CDH4: variants seen among roughly 807,000 people sequenced by gnomAD.
The protein encoded by CDH4 is cadherin-4.
A neutral mutation model predicts 86.0 loss-of-function variants in CDH4; 33 were observed. The observed-to-expected ratio is 0.38, with a 90% CI of 0.29 to 0.51. CDH4 has a LOEUF of 0.51. CDH4 is among the 20% of genes least tolerant of loss of function. CDH4 has a pLI of 0.86. For missense variants in CDH4, 1,114 were observed against 1,307.4 expected, an observed-to-expected ratio of 0.85 and a Z score of 2.28; for synonymous variants, 555 against 549.4, an observed-to-expected ratio of 1.01 and a Z score of -0.14.
intron 2 of CDH4, among the ~76,000 whole-genome samples, chr20:61,275,668 G>C (rs922990278): frequency 7.2e-6 from 1 of 138,130 alleles, no homozygotes; most frequent in Middle Eastern, 3.8e-3. Flanking sequence ...GCGCAGTTTG[G>C]GGGGAGTACC....
At chr20:61,891,291 G>C (rs1398102948) in intron 7 of CDH4, among the ~76,000 whole-genome samples, 1 of 152,194 alleles carries the variant, frequency 6.6e-6, no homozygotes, top group Non-Finnish European at 1.5e-5. Flanking sequence ...ACACAGTCGT[G>C]TCCCATTTTA....
chr20:61,469,301 T>G (rs2145566967), intron 2 of CDH4, among the ~76,000 whole-genome samples: 1 of 152,370 alleles, frequency 6.6e-6, no homozygotes, highest in East Asian at 1.9e-4. Context: ...TGCATTTCTG[T>G]GATGAGCAGT....
chr20:61,938,603 C>G lies in CDH4; in HGVS notation c.*1660C>G, dbSNP rs1025430352. ...GACAGGGAGCCCTCCCGGAGCCCCA[C>G]CCTGCACCTGCCACTGGGGTCAGGG... On this transcript the variant is annotated 3_prime_UTR_variant, in exon 16 of 16. Transcript: ENST00000614565. 2.6e-5 allele frequency: 4 copies of G among 152,342 alleles called. No individual in the cohort carries two copies. The highest frequency in any genetic ancestry group is 5.9e-5 in the Non-Finnish European group (4 of 68,172). The allele number at this position is 152,342 out of a possible 1,614,324, so 9.4% of individuals were successfully genotyped here. A position where few individuals can be genotyped will look rare whatever the true frequency, so the allele number is the denominator to read the frequency against.
chr20:61,906,343 A>G (rs940646520), intron 8 of CDH4, among the ~76,000 whole-genome samples: 4 of 152,252 alleles, frequency 2.6e-5, no homozygotes, highest in Non-Finnish European at 5.9e-5. Context: ...ATTTATAAAA[A>G]CAGGCCTCGG....
chr20:61,256,009 T>C (rs1010871605), intron 2 of CDH4, among the ~76,000 whole-genome samples: 7 of 152,248 alleles, frequency 4.6e-5, no homozygotes, highest in Admixed American at 6.5e-5. Flanking sequence ...AAATAAAAAA[T>C]CTCTAGGCAG....
At chr20:61,628,007 A>G (rs1432484687) in intron 2 of CDH4, among the ~76,000 whole-genome samples, 1 of 151,880 alleles carries the variant, frequency 6.6e-6, no homozygotes, top group Non-Finnish European at 1.5e-5. Flanking sequence ...CACAAAGCCA[A>G]CGTGCCCCAC....
At chr20:61,904,688 G>A (rs1431421827) in intron 8 of CDH4, among the ~76,000 whole-genome samples, 1 of 152,208 alleles carries the variant, frequency 6.6e-6, no homozygotes, top group Non-Finnish European at 1.5e-5. Context: ...GACACAGAGG[G>A]GACCACCCTG....
rs958997884 is a variant in CDH4 at position 61,623,980 on chromosome 20, G to A, written c.170-119583G>A. Among the ~76,000 whole-genome samples, 1 of 152,126 alleles carries A rather than the reference G, an allele frequency of 6.6e-6. No individual in the cohort carries two copies. The highest frequency in any genetic ancestry group is 2.4e-5 in the African/African-American group (1 of 41,426). ...GCAGGAAAGACACGGTTCCTAGAGC[G>A]AGGAACAGTGCATCCACCATCAGAT... On this transcript the variant is annotated intron_variant, in intron 2 of 15. Transcript: ENST00000614565. This position sits in a 1 kb window ranked among gnomAD's most constrained non-coding sequence, Gnocchi z 4.4.
intron 2 of CDH4, among the ~76,000 whole-genome samples, chr20:61,668,177 C>T: frequency 6.6e-6 from 1 of 152,198 alleles, no homozygotes; most frequent in East Asian, 1.9e-4. Context: ...CCAGGGAAGC[C>T]GAGCTTTTAT....
At chr20:61,893,384 G>T (rs532265597) in intron 7 of CDH4, among the ~76,000 whole-genome samples, 2 of 151,252 alleles carry the variant, frequency 1.3e-5, no homozygotes, top group African/African-American at 4.9e-5. Context: ...TAAATGGATG[G>T]ATGGGTGAAT....
chr20:61,537,056 G>T (rs1411596441), intron 2 of CDH4, among the ~76,000 whole-genome samples: 3 of 152,186 alleles, frequency 2.0e-5, no homozygotes, highest in Non-Finnish European at 4.4e-5. Context: ...GAGACTCAGT[G>T]TCCCCTCCCT....
At chr20:61,693,337 A>G (rs998281134) in intron 2 of CDH4, among the ~76,000 whole-genome samples, 6 of 152,184 alleles carry the variant, frequency 3.9e-5, no homozygotes, top group South Asian at 2.1e-4. Flanking sequence ...CTCTGCTCCA[A>G]TGCTGTGCTG....
Position 61,636,518 on chromosome 20 carries a change from C to T in CDH4, c.170-107045C>T, listed in dbSNP as rs538039212. 8.5e-5 allele frequency among the ~76,000 whole-genome samples: 13 copies of T among 152,382 alleles called. No individual in the cohort carries two copies. In the East Asian group the frequency reaches 1.9e-3, roughly 23 times the overall value. ...ATGGAACATCAATCCCTGTTCCCGT[C>T]GCAGGGCTGTCCCCGGCAGCCTTGC... On this transcript the variant is annotated intron_variant, in intron 2 of 15. Coordinates refer to ENST00000614565, the MANE Select transcript of CDH4 (RefSeq NM_001794.5).
At chr20:61,534,648 C>CTTTCTTT (rs1568881693) in intron 2 of CDH4, among the ~76,000 whole-genome samples, 8 of 108,384 alleles carry the variant, frequency 7.4e-5, no homozygotes, top group African/African-American at 3.2e-4. Flanking sequence ...TTCTTTCTTT[C>CTTTCTTT]TTTTCTTTCT....
At chr20:61,312,534 G>A (rs888978852) in intron 2 of CDH4, among the ~76,000 whole-genome samples, 2 of 152,062 alleles carry the variant, frequency 1.3e-5, no homozygotes, top group African/African-American at 4.8e-5. Context: ...TCCGTATTGG[G>A]GACCCCTTGC....
intron 2 of CDH4, among the ~76,000 whole-genome samples, chr20:61,418,715 G>T (rs1035621115): frequency 6.6e-6 from 1 of 152,140 alleles, no homozygotes; most frequent in East Asian, 1.9e-4. Flanking sequence ...TTCTTTTAGG[G>T]GTCTGGAGGC....
chr20:61,439,227 G>A (rs79873719), intron 2 of CDH4, among the ~76,000 whole-genome samples: 1 of 151,938 alleles, frequency 6.6e-6, no homozygotes, highest in African/African-American at 2.4e-5. Flanking sequence ...AGGGTGTTGC[G>A]GTGTGCGTTT....
intron 2 of CDH4, among the ~76,000 whole-genome samples, chr20:61,591,855 C>T (rs766887466): frequency 7.9e-5 from 12 of 152,210 alleles, no homozygotes; most frequent in Non-Finnish European, 1.8e-4. Flanking sequence ...CCACCAGCCT[C>T]ATCAGAAAAG....
At chr20:61,385,062 C>T (rs974705224) in intron 2 of CDH4, among the ~76,000 whole-genome samples, 7 of 152,138 alleles carry the variant, frequency 4.6e-5, no homozygotes, top group Admixed American at 6.5e-5. Context: ...GCCCTAGGGG[C>T]GTTTTCAGTT....
Sources: gnomAD v4.1 joint callset for allele counts (sites outside exome capture counted in the v4.1 genomes callset) on GRCh38, gnomAD v4.1.1 for gene constraint, Gnocchi (gnomAD v3.1) non-coding constraint, MANE v1.5 for transcripts, NCBI Gene and HGNC (gene_info 2026-07-23, HGNC 2026-07-21) for gene names.